EXOC6: variants seen among roughly 807,000 people sequenced by gnomAD.
EXOC6 encodes exocyst complex component 6.
EXOC6 carries 60 observed loss-of-function variants against 112.5 expected under a neutral mutation model. That is an observed-to-expected ratio of 0.53 (90% CI 0.43 to 0.66). The LOEUF (loss-of-function observed/expected upper bound fraction) is 0.66. Ranked by LOEUF, EXOC6 falls within the 30% of genes least tolerant of loss-of-function variation. EXOC6 has a pLI of 0.00. For missense variants in EXOC6, 855 were observed against 957.1 expected (o/e 0.89, Z 1.41); for synonymous variants, 295 against 308.0 (o/e 0.96, Z 0.44).
upstream of EXOC6, among the ~76,000 whole-genome samples, chr10:92,847,001 G>A (rs1474266011): frequency 4.6e-5 from 7 of 152,190 alleles, no homozygotes; most frequent in African/African-American, 1.7e-4. Context: ...GAGGAAGGGG[G>A]CCACAAGCCA....
intron 13 of EXOC6, among the ~76,000 whole-genome samples, chr10:92,946,286 A>G (rs1377940427): frequency 6.6e-6 from 1 of 151,456 alleles, no homozygotes; most frequent in Non-Finnish European, 1.5e-5. Flanking sequence ...ACAGAGCTAG[A>G]CTCCGTCTCA....
intron 1 of EXOC6, among the ~76,000 whole-genome samples, chr10:92,866,015 A>G (rs536999212): frequency 1.3e-5 from 2 of 152,194 alleles, no homozygotes; most frequent in South Asian, 4.2e-4. Flanking sequence ...TTGCTGTCTC[A>G]GGGGTGGCAA....
intron 18 of EXOC6, among the ~76,000 whole-genome samples, chr10:92,985,288 C>G (rs1209173641): frequency 1.3e-5 from 2 of 152,004 alleles, no homozygotes; most frequent in Admixed American, 1.3e-4. Context: ...CATTTTTATC[C>G]TCATTCATAC....
At chr10:92,919,093 G>A (rs1350806994) in intron 7 of EXOC6, among the ~76,000 whole-genome samples, 3 of 152,016 alleles carry the variant, frequency 2.0e-5, no homozygotes, top group Admixed American at 6.6e-5. Flanking sequence ...TCTCCTTTGA[G>A]GTTCAGAATG....
chr10:92,922,845 A>G (rs1291579828), intron 8 of EXOC6, among the ~76,000 whole-genome samples: 1 of 152,188 alleles, frequency 6.6e-6, no homozygotes, highest in East Asian at 1.9e-4. Context: ...AATACCAAAT[A>G]TAGTGTGCGA....
chr10:92,905,987 C>T (rs1158930182), intron 5 of EXOC6, among the ~76,000 whole-genome samples: 6 of 152,018 alleles, frequency 3.9e-5, no homozygotes, highest in Admixed American at 3.3e-4. Flanking sequence ...CTTTACAGTT[C>T]TGTTAGTTTT....
chr10:92,849,212 A>T (rs556012297), intron 1 of EXOC6, among the ~76,000 whole-genome samples: 45 of 151,048 alleles, frequency 3.0e-4, no homozygotes, highest in Non-Finnish European at 4.4e-4. Context: ...TGGGCTGGAG[A>T]AGAGAGCGTG....
intron 13 of EXOC6, among the ~76,000 whole-genome samples, chr10:92,944,829 A>G (rs1852884042): frequency 1.3e-5 from 2 of 150,172 alleles, no homozygotes; most frequent in African/African-American, 2.5e-5. Flanking sequence ...CTGGAGTGCA[A>G]TGGTGCAATC....
intron 1 of EXOC6, among the ~76,000 whole-genome samples, chr10:92,857,043 T>C (rs1387211104): frequency 1.3e-5 from 2 of 152,188 alleles, no homozygotes; most frequent in Non-Finnish European, 2.9e-5. Flanking sequence ...TCATTGGATC[T>C]TATTTTTATC....
intron 18 of EXOC6, among the ~76,000 whole-genome samples, chr10:92,994,067 G>C (rs1843376587): frequency 6.6e-6 from 1 of 152,176 alleles, no homozygotes; most frequent in Non-Finnish European, 1.5e-5. Flanking sequence ...TCTGACATCA[G>C]GTCTTTGACT....
chr10:92,837,356 A>C (rs1223701102), intron 1 of EXOC6, among the ~76,000 whole-genome samples: 1 of 152,178 alleles, frequency 6.6e-6, no homozygotes, highest in African/African-American at 2.4e-5. Context: ...AAAGAAGAGA[A>C]GGAGGAGGAA....
At chr10:93,009,415 A>T (rs903109466) in intron 19 of EXOC6, among the ~76,000 whole-genome samples, 2 of 152,192 alleles carry the variant, frequency 1.3e-5, no homozygotes, top group Non-Finnish European at 2.9e-5. Context: ...TTCATTGAAT[A>T]CTCATTATAA....
chr10:92,878,616 A>G (rs530847229), intron 1 of EXOC6, among the ~76,000 whole-genome samples: 42 of 152,230 alleles, frequency 2.8e-4, no homozygotes, highest in African/African-American at 8.9e-4. Context: ...TCACACATGC[A>G]TGCCCAGGAA....
chr10:92,918,678 C>T (rs1231764360), intron 7 of EXOC6, among the ~76,000 whole-genome samples: 4 of 152,230 alleles, frequency 2.6e-5, no homozygotes, highest in African/African-American at 9.6e-5. Flanking sequence ...TCTGCTTTGG[C>T]CTCCTAAAGT....
chr10:92,841,193 TTG>T (rs1846837745), intron 1 of EXOC6, among the ~76,000 whole-genome samples: 1 of 152,202 alleles, frequency 6.6e-6, no homozygotes, highest in South Asian at 2.1e-4. Flanking sequence ...ATTAACATCT[TTG>T]ATTAACATCT....
intron 8 of EXOC6, among the ~76,000 whole-genome samples, chr10:92,920,486 A>G (rs1479720667): frequency 6.6e-6 from 1 of 152,210 alleles, no homozygotes; most frequent in African/African-American, 2.4e-5. Flanking sequence ...AGGATGTGCA[A>G]CCATTACCAC....
intron 8 of EXOC6, 38 bp downstream of exon 8, chr10:92,920,088 A>G (rs1851344880): frequency 7.7e-7 from 1 of 1,302,144 alleles, no homozygotes; most frequent in Non-Finnish European, 1.1e-6. Flanking sequence ...ATAGCTTTAT[A>G]TTATTTAAAA....
chr10:92,979,722 G>A (rs577619272), intron 18 of EXOC6, among the ~76,000 whole-genome samples: 91 of 152,060 alleles, frequency 6.0e-4, no homozygotes, highest in Non-Finnish European at 1.1e-3. Context: ...TTGAGCCCAG[G>A]AGTTGGAGAA....
At chr10:92,867,504 G>T (rs1410733560) in intron 1 of EXOC6, among the ~76,000 whole-genome samples, 2 of 152,106 alleles carry the variant, frequency 1.3e-5, no homozygotes, top group Non-Finnish European at 2.9e-5. Context: ...TAATACCCAA[G>T]CTTGAGTAGC....
Sources: gnomAD v4.1 joint callset for allele counts (sites outside exome capture counted in the v4.1 genomes callset) on GRCh38, gnomAD v4.1.1 for gene constraint, MANE v1.5 for transcripts, NCBI Gene and HGNC (gene_info 2026-07-23, HGNC 2026-07-21) for gene names.